The following BARD1 variants were observed in gnomAD, a reference collection of about 807,000 sequenced individuals.
BARD1 encodes BRCA1-associated RING domain protein 1.
BARD1 carries 73 observed loss-of-function variants against 77.0 expected under a neutral mutation model. The ratio of observed to expected loss-of-function variants is 0.95; its 90% CI spans 0.79 to 1.15. The LOEUF (loss-of-function observed/expected upper bound fraction) is 1.15. Among genes scored for constraint, BARD1 ranks in the 50% most tolerant of loss-of-function variants. BARD1 has a pLI of 0.00. For synonymous variants in BARD1, 384 were observed against 338.0 expected (o/e 1.14, Z -1.49); for missense variants, 993 against 938.8 (o/e 1.06, Z -0.75).
At chr2:214,794,222 G>A (rs1047688150) in intron 2 of BARD1, among the ~76,000 whole-genome samples, 1 of 152,088 alleles carries the variant, frequency 6.6e-6, no homozygotes, top group Non-Finnish European at 1.5e-5. Context: ...CTGCACTCCA[G>A]CCTGGGTGAC....
At position 214,751,129 on chromosome 2, in the gene BARD1, A is replaced by T. The variant is rs1304281750; in HGVS notation, c.1677+1318T>A. ...TGTGTGTGTGTGTGTATATATATAT[A>T]TATATATATATATATATATATATTT... is the stretch of plus-strand genomic sequence containing the variant. On this transcript the variant is annotated intron_variant, in intron 7 of 10. Transcript: ENST00000260947. 4.6e-3 allele frequency among the ~76,000 whole-genome samples: 57 copies of T among 12,402 alleles called. 1 individual carries two copies. The highest frequency in any genetic ancestry group is 0.012 in the African/African-American group (55 of 4,774). 8.1% of individuals were successfully genotyped at this position (12,402 alleles called of 152,430 possible).
Position 214,798,293 on chromosome 2 carries a change from T to C in BARD1, c.159-1176A>G, listed in dbSNP as rs536432845. 1.1e-4 allele frequency among the ~76,000 whole-genome samples: 17 copies of C among 152,300 alleles called. 1 individual carries two copies. In the South Asian group the frequency reaches 3.5e-3, roughly 32 times the overall value. ...ACTGACGTTACAAAACCTATTACTT[T>C]TTAAAAACTCACCATGTCTGATTTT... is the stretch of plus-strand genomic sequence containing the variant. On this transcript the variant is annotated intron_variant, in intron 1 of 10. Coordinates refer to ENST00000260947, the MANE Select transcript of BARD1 (RefSeq NM_000465.4).
chr2:214,764,160 T>C (rs530211889), intron 6 of BARD1, among the ~76,000 whole-genome samples: 2 of 152,346 alleles, frequency 1.3e-5, no homozygotes, highest in East Asian at 3.9e-4. Flanking sequence ...CCCATTTTCA[T>C]GTCATCTGAC....
chr2:214,754,286 T>C (rs1346868946), intron 6 of BARD1, among the ~76,000 whole-genome samples: 1 of 150,140 alleles, frequency 6.7e-6, no homozygotes, highest in Non-Finnish European at 1.5e-5. Flanking sequence ...CATAACTGCA[T>C]AGCCATGATT....
intron 7 of BARD1, among the ~76,000 whole-genome samples, chr2:214,752,196 A>G (rs1321956744): frequency 6.6e-6 from 1 of 152,196 alleles, no homozygotes; most frequent in Non-Finnish European, 1.5e-5. Flanking sequence ...CTCCCTGAGA[A>G]TAAGAGTTCT....
intron 3 of BARD1, among the ~76,000 whole-genome samples, chr2:214,784,216 C>T (rs528203440): frequency 6.1e-4 from 92 of 152,064 alleles, no homozygotes; most frequent in African/African-American, 2.1e-3. Context: ...AAAAAGTGGG[C>T]GAAGGATATA....
rs1265928032 is a variant in BARD1, at chr2:214,791,504, T to C, written c.364+793A>G. ...CTGGTCAATAAAAAGACAACTCTAATATCCAATTATGAAGATACAAAACAT... is the reference window on the plus strand; with the variant it reads ...CTGGTCAATAAAAAGACAACTCTAACATCCAATTATGAAGATACAAAACAT... On this transcript the variant is annotated intron_variant, in intron 3 of 10. Coordinates refer to ENST00000260947, the MANE Select transcript of BARD1 (RefSeq NM_000465.4). 4.6e-5 allele frequency among the ~76,000 whole-genome samples: 7 copies of C among 152,194 alleles called. No individual in the cohort carries two copies. The East Asian group carries it at 1.3e-3, about 29-fold the overall frequency.
intron 6 of BARD1, among the ~76,000 whole-genome samples, chr2:214,758,563 C>T (rs1693808295): frequency 6.6e-6 from 1 of 152,142 alleles, no homozygotes. Flanking sequence ...AGAATTATGT[C>T]TTCTTAACAA....
intron 4 of BARD1, among the ~76,000 whole-genome samples, chr2:214,774,709 A>G (rs1025698062): frequency 6.6e-6 from 1 of 152,218 alleles, no homozygotes; most frequent in African/African-American, 2.4e-5. Flanking sequence ...TCTCCTTTCT[A>G]GCTATGAAAG....
intron 3 of BARD1, 82 bp downstream of exon 3, chr2:214,792,215 G>T: frequency 8.0e-7 from 1 of 1,251,554 alleles, no homozygotes; most frequent in Non-Finnish European, 1.1e-6. Flanking sequence ...ACTCCAGATA[G>T]ATGTTTTATA....
rs755693106 is a variant in BARD1 at position 214,781,389 on chromosome 2, G to A, written c.485C>T (p.Ser162Leu). ...TTTTATTGCAGGCTGGGTTTGCACT[G>A]AAGCTTTACTCACAACATATCTGAC... Reference protein sequence around the residue: ...KKVRYVVSKASVQTQPAIKKD... With the variant: ...KKVRYVVSKALVQTQPAIKKD... Residue 162 changes from serine to leucine, a missense_variant, in exon 4 of 11, where the codon TCA (serine) becomes TTA (leucine). Ser to Leu is a moderately radical substitution (Grantham distance 145, BLOSUM62 -2). Coordinates refer to ENST00000260947, the MANE Select transcript of BARD1 (RefSeq NM_000465.4). The A allele has an allele frequency of 1.2e-5, 20 of 1,613,518 alleles. No homozygotes were observed. The South Asian group carries it at 2.1e-4, about 17-fold the overall frequency.
chr2:214,745,877 C>G (rs957301632), intron 7 of BARD1, 23 bp from the exon 8 acceptor site: 1 of 1,613,488 alleles, frequency 6.2e-7, no homozygotes, highest in East Asian at 2.2e-5. Context: ...AAGGAGATAC[C>G]AGTGTTAAAA....
At chr2:214,743,382 AAG>A (rs1434037835) in intron 9 of BARD1, among the ~76,000 whole-genome samples, 1 of 152,222 alleles carries the variant, frequency 6.6e-6, no homozygotes, top group Non-Finnish European at 1.5e-5. Context: ...TTGCTTCATA[AAG>A]AGTTTCAATA....
intron 5 of BARD1, 36 bp from the exon 6 acceptor site, chr2:214,767,690 G>T: frequency 6.3e-7 from 1 of 1,580,818 alleles, no homozygotes; most frequent in African/African-American, 1.3e-5. Flanking sequence ...TGAAAGAAGT[G>T]ATAAGAAAGA....
intron 5 of BARD1, among the ~76,000 whole-genome samples, chr2:214,768,220 C>T (rs1450672816): frequency 6.6e-6 from 1 of 152,166 alleles, no homozygotes; most frequent in Non-Finnish European, 1.5e-5. Context: ...GCCTTACATC[C>T]AAATCTTTCC....
In BARD1 at chr2:214,792,280, A is replaced by G. The variant is rs375358131; in HGVS notation, c.364+17T>C. 40 of 1,612,164 alleles carry G rather than the reference A, an allele frequency of 2.5e-5. No individual in the cohort carries two copies. The highest frequency in any genetic ancestry group is 3.3e-5 in the Non-Finnish European group (39 of 1,178,994). ...TAACTGATGAATTTAACTAAGAGAG[A>G]TAGGGATAGTTCTTACCTGACAGCT... On this transcript the variant is annotated intron_variant, in intron 3 of 10. Coordinates refer to ENST00000260947, the MANE Select transcript of BARD1 (RefSeq NM_000465.4).
At chr2:214,808,241 G>A (rs564799634) in intron 1 of BARD1, among the ~76,000 whole-genome samples, 3 of 152,166 alleles carry the variant, frequency 2.0e-5, no homozygotes, top group African/African-American at 7.2e-5. Context: ...AACCCCATCT[G>A]TACTAAAAAT....
chr2:214,730,642 CAG>C, intron 9 of BARD1, 134 bp from the exon 10 acceptor site: 2 of 729,212 alleles, frequency 2.7e-6, no homozygotes, highest in Admixed American at 2.3e-5. Context: ...AAAATGCAAA[CAG>C]AAATCTTACT....
chr2:214,745,596 A>G, intron 8 of BARD1, 126 bp downstream of exon 8: 2 of 1,195,326 alleles, frequency 1.7e-6, no homozygotes, highest in Non-Finnish European at 2.4e-6. Context: ...GATGTATTAC[A>G]AGATGCAAAG....
Sources: gnomAD v4.1 joint callset for allele counts (sites outside exome capture counted in the v4.1 genomes callset) on GRCh38, gnomAD v4.1.1 for gene constraint, MANE v1.5 for transcripts, NCBI Gene and HGNC (gene_info 2026-07-23, HGNC 2026-07-21) for gene names.